Variants in RFC1 observed in about 807,000 individuals in gnomAD.
The protein encoded by RFC1 is A1 140 kDa subunit.
RFC1 carries 37 observed loss-of-function variants against 137.4 expected under a neutral mutation model. The observed-to-expected ratio is 0.27, with a 90% confidence interval of 0.21 to 0.35. RFC1 has a LOEUF of 0.35. Ranked by LOEUF, RFC1 falls within the 10% of genes least tolerant of loss-of-function variation. The pLI is 1.00. For synonymous variants in RFC1, 429 were observed against 455.7 expected, an observed-to-expected ratio of 0.94 and a Z score of 0.75; for missense variants, 1,205 against 1,358.5, an observed-to-expected ratio of 0.89 and a Z score of 1.78.
intron 9 of RFC1, among the ~76,000 whole-genome samples, chr4:39,318,847 T>C (rs553604574): frequency 2.6e-5 from 4 of 152,232 alleles, no homozygotes; most frequent in South Asian, 2.1e-4. Context: ...TAAAATATAA[T>C]GGTGATGACC....
At chr4:39,351,279 A>ACTTAC in intron 2 of RFC1, 69 bp downstream of exon 2, 2 of 532,954 alleles carry the variant, frequency 3.8e-6, no homozygotes, top group South Asian at 2.9e-5. Flanking sequence ...AAAAAAAAAA[A>ACTTAC]AAAAAACTTA....
At chr4:39,359,348 G>A (rs1038338659) in intron 1 of RFC1, among the ~76,000 whole-genome samples, 8 of 152,156 alleles carry the variant, frequency 5.3e-5, no homozygotes, top group Non-Finnish European at 1.2e-4. Flanking sequence ...GAAACTGTGG[G>A]AGATATATAT....
chr4:39,309,502 T>C (rs1361884626), intron 12 of RFC1, among the ~76,000 whole-genome samples: 1 of 152,224 alleles, frequency 6.6e-6, no homozygotes, highest in African/African-American at 2.4e-5. Flanking sequence ...TAACAAGGAC[T>C]GAAGCACTGA....
chr4:39,356,800 A>C (rs1458430129), intron 1 of RFC1, among the ~76,000 whole-genome samples: 1 of 152,218 alleles, frequency 6.6e-6, no homozygotes, highest in African/African-American at 2.4e-5. Context: ...AATCAGAAAT[A>C]TCTCTAGATT....
chr4:39,322,414 G>GA (rs1395721744), intron 7 of RFC1: 5 of 151,702 alleles, frequency 3.3e-5, no homozygotes, highest in African/African-American at 9.7e-5. Flanking sequence ...CAAAAAAAAA[G>GA]AAAGAAAAAG....
chr4:39,304,811 T>G lies in RFC1; in HGVS notation c.2110+3A>C. 6.4e-7 allele frequency: 1 copy of G among 1,558,490 alleles called. No homozygotes were observed. Among genetic ancestry groups the G allele is most frequent in the Non-Finnish European group, 8.9e-7 (1 of 1,129,562 alleles). ...AACAACAGGAGGTCAAAAAGCCACATACTTGAATAAAAGCCTTTGATGCTG... is the reference window on the plus strand; with the variant it reads ...AACAACAGGAGGTCAAAAAGCCACAGACTTGAATAAAAGCCTTTGATGCTG... On this transcript the variant is annotated splice_donor_region_variant and intron_variant, in intron 15 of 24. Coordinates refer to ENST00000349703, the MANE Select transcript of RFC1 (RefSeq NM_002913.5).
intron 21 of RFC1, among the ~76,000 whole-genome samples, chr4:39,299,396 G>A (rs1285390824): frequency 6.6e-6 from 1 of 151,984 alleles, no homozygotes; most frequent in Non-Finnish European, 1.5e-5. Flanking sequence ...CGCTGGGTTA[G>A]GGTCTCCCCG....
At chr4:39,327,115 A>G (rs1739810590) in intron 5 of RFC1, among the ~76,000 whole-genome samples, 1 of 152,236 alleles carries the variant, frequency 6.6e-6, no homozygotes, top group African/African-American at 2.4e-5. Context: ...AGATGAATCC[A>G]ATATCTGCCA....
At chr4:39,295,338 C>T (rs1422468798) in intron 22 of RFC1, among the ~76,000 whole-genome samples, 3 of 152,192 alleles carry the variant, frequency 2.0e-5, no homozygotes, top group African/African-American at 7.2e-5. Flanking sequence ...AGTAACAGTG[C>T]CACCTCAGAC....
intron 1 of RFC1, among the ~76,000 whole-genome samples, chr4:39,351,966 CA>C (rs570668838): frequency 0.035 from 2,046 of 57,838 alleles, 23 homozygotes; most frequent in African/African-American, 0.1. Flanking sequence ...GACTCCGTCT[CA>C]AAAAAAAAAA....
chr4:39,302,232 G>A lies in RFC1; in HGVS notation c.2535+46C>T, dbSNP rs1019504981. 2.6e-6 allele frequency: 3 copies of A among 1,160,172 alleles called. No homozygotes were observed. The African/African-American group carries it at 4.5e-5, about 17-fold the overall frequency. The allele number at this position is 1,160,172 out of a possible 1,614,324, so 71.9% of individuals were successfully genotyped here. A position where few individuals can be genotyped will look rare whatever the true frequency, so the allele number is the denominator to read the frequency against. On this transcript the variant is annotated intron_variant, in intron 19 of 24. Transcript: ENST00000349703. ...TATCAAGCTACCTACAGAACAAGAA[G>A]TGTTTTGGCTTAGGAAAGTAACTAA...
intron 2 of RFC1, among the ~76,000 whole-genome samples, chr4:39,350,570 A>C (rs144340648): frequency 4.2e-4 from 64 of 152,312 alleles, no homozygotes; most frequent in African/African-American, 1.4e-3. Context: ...GCCAAAAAAC[A>C]GTGGAACATC....
intron 4 of RFC1, among the ~76,000 whole-genome samples, chr4:39,341,904 T>TA (rs1213333668): frequency 6.6e-6 from 1 of 152,182 alleles, no homozygotes; most frequent in Non-Finnish European, 1.5e-5. Flanking sequence ...CAATCTTCTT[T>TA]AAAAAACCCA....
chr4:39,332,910 G>C (rs1740174190), intron 4 of RFC1, among the ~76,000 whole-genome samples: 1 of 152,194 alleles, frequency 6.6e-6, no homozygotes, highest in Non-Finnish European at 1.5e-5. Context: ...TTGAGCCCAG[G>C]AGTTCAAGAC....
chr4:39,313,734 GT>G (rs1235087510), intron 10 of RFC1, among the ~76,000 whole-genome samples: 3 of 152,176 alleles, frequency 2.0e-5, no homozygotes, highest in East Asian at 3.8e-4. Flanking sequence ...AAAAGGGAAA[GT>G]TTTGATTCTA....
At position 39,302,515 on chromosome 4, in the gene RFC1, A is replaced by T; in HGVS notation, c.2421T>A (p.Asn807Lys). 1 of 1,603,504 alleles carries T rather than the reference A, an allele frequency of 6.2e-7. No individual in the cohort carries two copies. Among genetic ancestry groups the T allele is most frequent in the Non-Finnish European group, 8.5e-7 (1 of 1,171,440 alleles). ...TTTAATTTACCTGTCTGATATCTTG[A>T]TTGGCTCCCAAAATTATTTCATTCA... ...PAMNEIILGA[N>K]QDIRQVLHNL... The change falls in exon 18 of 25, where the codon AAT becomes AAA. Residue 807 changes from asparagine to lysine, a missense_variant. Physicochemically the swap from Asn to Lys is moderately conservative, Grantham distance 94. Transcript: ENST00000349703.
In RFC1 at chr4:39,357,356, C is replaced by T. The variant is rs143407766; in HGVS notation, c.4-5880G>A. ...TTTACTATCATTGAGCTTTAGACTA[C>T]GCATTCAATGAAATACTCTATCACA... is the stretch of plus-strand genomic sequence containing the variant. On this transcript the variant is annotated intron_variant, in intron 1 of 24. Coordinates refer to ENST00000349703, the MANE Select transcript of RFC1 (RefSeq NM_002913.5). Among the ~76,000 whole-genome samples, 762 of 152,268 alleles carry T rather than the reference C, an allele frequency of 5.0e-3. 4 individuals are homozygous for T. Among genetic ancestry groups the T allele is most frequent in the Admixed American group, 9.2e-3 (141 of 15,286 alleles).
chr4:39,301,601 A>G (rs1052902871), intron 19 of RFC1, among the ~76,000 whole-genome samples: 4 of 152,146 alleles, frequency 2.6e-5, no homozygotes, highest in African/African-American at 9.7e-5. Flanking sequence ...GGCATGGATC[A>G]CCATGTTGGC....
At chr4:39,361,964 G>C (rs566823416) in intron 1 of RFC1, among the ~76,000 whole-genome samples, 4 of 152,124 alleles carry the variant, frequency 2.6e-5, no homozygotes, top group Non-Finnish European at 5.9e-5. Context: ...GGGTGAACCC[G>C]GGAGGCGGAG....
Sources: gnomAD v4.1 joint callset for allele counts (sites outside exome capture counted in the v4.1 genomes callset) on GRCh38, gnomAD v4.1.1 for gene constraint, MANE v1.5 for transcripts, NCBI Gene and HGNC (gene_info 2026-07-23, HGNC 2026-07-21) for gene names.